Variants in YWHAQ observed in about 807,000 individuals in gnomAD.
YWHAQ encodes the protein tyrosine 3-monooxygenase/tryptophan 5-monooxygenase activation protein theta.
A neutral mutation model predicts 28.3 loss-of-function variants in YWHAQ; 6 were observed. The ratio of observed to expected loss-of-function variants is 0.21; its 90% CI spans 0.12 to 0.42. YWHAQ has a LOEUF of 0.42. Among genes scored for constraint, YWHAQ ranks in the 10% least tolerant of loss-of-function variants. YWHAQ has a pLI of 1.00. For synonymous variants in YWHAQ, 143 were observed against 119.1 expected (o/e 1.20, Z -1.31); for missense variants, 201 against 305.6 (o/e 0.66, Z 2.55).
rs1484464480 is a variant in YWHAQ, at chr2:9,587,268, AAAT to A, written c.678+143_678+145del. The A allele has an allele frequency of 4.5e-6, 3 of 664,000 alleles. No homozygotes were observed. In the Admixed American group the frequency reaches 1.0e-4, roughly 23 times the overall value. 41.1% of individuals were successfully genotyped at this position (664,000 alleles called of 1,614,324 possible). On this transcript the variant is annotated intron_variant, in intron 5 of 5. Transcript: ENST00000238081. ...TATTCAACTTGAAAACCTGCCTACA[AAAT>A]AATGTTCGTCCCATAAAATACTAAC...
intron 3 of YWHAQ, among the ~76,000 whole-genome samples, chr2:9,590,574 C>A (rs922685752): frequency 6.6e-6 from 1 of 152,176 alleles, no homozygotes; most frequent in Non-Finnish European, 1.5e-5. Flanking sequence ...AGCACATACA[C>A]TAAATTTAAT....
chr2:9,602,250 G>T (rs1231468530), intron 2 of YWHAQ, among the ~76,000 whole-genome samples: 6 of 151,860 alleles, frequency 4.0e-5, no homozygotes, highest in African/African-American at 1.2e-4. Flanking sequence ...AGCTAAGCAT[G>T]ATCTTGTCTC....
At chr2:9,627,132 C>T (rs1667263041) in intron 2 of YWHAQ, among the ~76,000 whole-genome samples, 1 of 152,196 alleles carries the variant, frequency 6.6e-6, no homozygotes, top group African/African-American at 2.4e-5. Flanking sequence ...GGTTCAGTAA[C>T]CTCTTTCAAT....
chr2:9,630,424 G>A lies in YWHAQ; in HGVS notation c.29C>T (p.Ala10Val), dbSNP rs776134213. Residue 10 changes from alanine (A) to valine (V), a missense_variant, in exon 2 of 6, where the codon GCC (alanine) becomes GTC (valine). Physicochemically the swap from Ala to Val is moderately conservative, Grantham distance 64. This residue lies in a region of YWHAQ where 162 missense variants were observed against 213.9 expected (regional missense o/e 0.76). Coordinates refer to ENST00000238081, the MANE Select transcript of YWHAQ (RefSeq NM_006826.4). The surrounding 1 kb of genome is among the most constrained non-coding windows in gnomAD (Gnocchi z 5.6). ...GCGCTCGGCCTGCTCGGCCAGCTTG[G>A]CCTTCTGGATCAGCTCAGTCTTCTC... MEKTELIQK[A>V]KLAEQAERYD... The A allele has an allele frequency of 1.9e-6, 3 of 1,611,998 alleles. No individual in the cohort carries two copies. The highest frequency in any genetic ancestry group is 2.5e-6 in the Non-Finnish European group (3 of 1,179,896).
chr2:9,603,397 G>A lies in YWHAQ; in HGVS notation c.295-11882C>T, dbSNP rs565006803. Among the ~76,000 whole-genome samples the A allele has an allele frequency of 1.5e-4, 23 of 151,452 alleles. 1 individual carries two copies. Among genetic ancestry groups the A allele is most frequent in the African/African-American group, 4.8e-4 (20 of 41,298 alleles). On this transcript the variant is annotated intron_variant, in intron 2 of 5. Coordinates refer to ENST00000238081, the MANE Select transcript of YWHAQ (RefSeq NM_006826.4). ...CAATTCTTGAGCCTCAGCCTCCCGA[G>A]TAACTGGGATTACAGGCACGCATAA...
intron 5 of YWHAQ, among the ~76,000 whole-genome samples, chr2:9,586,462 A>G (rs1666346221): frequency 6.6e-6 from 1 of 152,224 alleles, no homozygotes; most frequent in Non-Finnish European, 1.5e-5. Flanking sequence ...TGTCTCCATA[A>G]TAGAGATAAC....
rs948863925 is a variant in YWHAQ, at chr2:9,630,061, C to T, written c.294+98G>A. On this transcript the variant is annotated intron_variant, in intron 2 of 5. Coordinates refer to ENST00000238081, the MANE Select transcript of YWHAQ (RefSeq NM_006826.4). This position sits in a 1 kb window ranked among gnomAD's most constrained non-coding sequence, Gnocchi z 5.6. ...AAACCCTCCACCCCAGCAGACAGTC[C>T]GGCAAGCCCCGGCTCACGTTTGTTT... is the stretch of plus-strand genomic sequence containing the variant. The T allele has an allele frequency of 1.2e-4, 178 of 1,496,768 alleles. No homozygotes were observed. The highest frequency in any genetic ancestry group is 1.5e-4 in the Non-Finnish European group (167 of 1,105,294). 92.7% of individuals were successfully genotyped at this position (1,496,768 alleles called of 1,614,324 possible).
At chr2:9,605,750 G>A (rs1344888850) in intron 2 of YWHAQ, among the ~76,000 whole-genome samples, 14 of 151,252 alleles carry the variant, frequency 9.3e-5, no homozygotes, top group Non-Finnish European at 1.0e-4. Flanking sequence ...TTTGGTAGAG[G>A]GGGGTTTTCA....
At chr2:9,623,714 G>A (rs981581327) in intron 2 of YWHAQ, among the ~76,000 whole-genome samples, 1 of 152,138 alleles carries the variant, frequency 6.6e-6, no homozygotes, top group Non-Finnish European at 1.5e-5. Context: ...AGAGGTTGAG[G>A]TGAACCAAGA....
Position 9,585,029 on chromosome 2 carries a change from G to T in YWHAQ, c.*257C>A. ...GATACATTTTTAGTCCTCTACATAA[G>T]TGTTTGGGAGTTACTTATGTTTATA... On this transcript the variant is annotated 3_prime_UTR_variant, in exon 6 of 6. Coordinates refer to ENST00000238081, the MANE Select transcript of YWHAQ (RefSeq NM_006826.4). 1 of 468,758 alleles carries T rather than the reference G, an allele frequency of 2.1e-6. No homozygotes were observed. The highest frequency in any genetic ancestry group is 2.9e-5 in the South Asian group (1 of 34,136). The allele number at this position is 468,758 out of a possible 1,614,324, so 29.0% of individuals were successfully genotyped here. A position where few individuals can be genotyped will look rare whatever the true frequency, so the allele number is the denominator to read the frequency against.
intron 2 of YWHAQ, among the ~76,000 whole-genome samples, chr2:9,619,153 T>A (rs774185560): frequency 6.6e-6 from 1 of 152,156 alleles, no homozygotes; most frequent in Non-Finnish European, 1.5e-5. Flanking sequence ...ATAGCTAAAA[T>A]AAGTTTATAA....
chr2:9,598,122 G>A lies in YWHAQ; in HGVS notation c.295-6607C>T, dbSNP rs572230541. On this transcript the variant is annotated intron_variant, in intron 2 of 5. Coordinates refer to ENST00000238081, the MANE Select transcript of YWHAQ (RefSeq NM_006826.4). ...GTTGGGATTACAGGCATGAGCCACC[G>A]CACCCAGCCAGAAGCAAACCTTATA... Among the ~76,000 whole-genome samples, 13 of 149,290 alleles carry A rather than the reference G, an allele frequency of 8.7e-5. No individual in the cohort carries two copies. In the South Asian group the frequency reaches 1.9e-3, roughly 22 times the overall value.
chr2:9,593,601 AGGATT>A (rs112210008), intron 2 of YWHAQ, among the ~76,000 whole-genome samples: 3,807 of 152,042 alleles, frequency 0.025, 114 homozygotes, highest in African/African-American at 0.072. Context: ...CAGAGGCAAG[AGGATT>A]GCCTGAGAGC....
intron 2 of YWHAQ, among the ~76,000 whole-genome samples, chr2:9,601,096 T>TTTTATA (rs1666683885): frequency 6.6e-6 from 1 of 152,218 alleles, no homozygotes. Flanking sequence ...TTATTAATGC[T>TTTTATA]ATTTATTTTC....
chr2:9,625,331 C>T (rs1667229877), intron 2 of YWHAQ, among the ~76,000 whole-genome samples: 1 of 151,860 alleles, frequency 6.6e-6, no homozygotes, highest in Non-Finnish European at 1.5e-5. Context: ...GGGCAAAACC[C>T]ACAACGTCAA....
chr2:9,624,532 T>C (rs1667207097), intron 2 of YWHAQ, among the ~76,000 whole-genome samples: 1 of 152,020 alleles, frequency 6.6e-6, no homozygotes, highest in Non-Finnish European at 1.5e-5. Flanking sequence ...TGGGGGGGGC[T>C]GGGGTCTTCG....
chr2:9,609,359 A>G (rs1666898996), intron 2 of YWHAQ, among the ~76,000 whole-genome samples: 1 of 152,204 alleles, frequency 6.6e-6, no homozygotes, highest in Non-Finnish European at 1.5e-5. Context: ...AACAAAAGGC[A>G]TATTTGAATA....
intron 2 of YWHAQ, among the ~76,000 whole-genome samples, chr2:9,596,712 T>TC (rs397871175): frequency 0.033 from 5,033 of 151,752 alleles, 286 homozygotes; most frequent in African/African-American, 0.12. Flanking sequence ...ATTTTTTTTT[T>TC]CCCCCTTGAG....
At chr2:9,609,596 C>T (rs1184904415) in intron 2 of YWHAQ, among the ~76,000 whole-genome samples, 2 of 151,218 alleles carry the variant, frequency 1.3e-5, no homozygotes, top group Admixed American at 1.3e-4. Context: ...AAAAAAAAAT[C>T]ATACCTAGAT....
Sources: gnomAD v4.1 joint callset for allele counts (sites outside exome capture counted in the v4.1 genomes callset) on GRCh38, gnomAD v4.1.1 for gene constraint, gnomAD v4.1.1 regional missense constraint, Gnocchi (gnomAD v3.1) non-coding constraint, MANE v1.5 for transcripts, NCBI Gene and HGNC (gene_info 2026-07-23, HGNC 2026-07-21) for gene names.